Variants in ARMC9 observed in about 807,000 individuals in gnomAD.
ARMC9 encodes the protein lisH domain-containing protein ARMC9.
A neutral mutation model predicts 107.0 loss-of-function variants in ARMC9; 94 were observed. The observed-to-expected ratio is 0.88, with a 90% CI of 0.74 to 1.04. ARMC9 has a LOEUF of 1.04. Among genes scored for constraint, ARMC9 ranks in the 50% least tolerant of loss-of-function variants. The pLI is 0.00. For missense variants in ARMC9, 942 were observed against 1,030.1 expected (o/e 0.91, Z 1.17); for synonymous variants, 380 against 396.9 (o/e 0.96, Z 0.51).
At chr2:231,253,032 C>A (rs563791760) in intron 9 of ARMC9, among the ~76,000 whole-genome samples, 4 of 152,132 alleles carry the variant, frequency 2.6e-5, no homozygotes, top group Non-Finnish European at 5.9e-5. Context: ...TTAAAACAAT[C>A]AAGGGTTAAA....
At chr2:231,220,847 AAC>A (rs559069212) in intron 5 of ARMC9, among the ~76,000 whole-genome samples, 2 of 152,260 alleles carry the variant, frequency 1.3e-5, no homozygotes, top group African/African-American at 2.4e-5. Context: ...TTACATTGAA[AAC>A]ACATATTTGT....
At chr2:231,314,489 A>T (rs2042550121) in intron 19 of ARMC9, among the ~76,000 whole-genome samples, 1 of 152,118 alleles carries the variant, frequency 6.6e-6, no homozygotes, top group Non-Finnish European at 1.5e-5. Context: ...GTATCTAAGA[A>T]CTTTTTGCCC....
chr2:231,340,945 G>A (rs1181698619), intron 20 of ARMC9, among the ~76,000 whole-genome samples: 1 of 151,700 alleles, frequency 6.6e-6, no homozygotes, highest in Non-Finnish European at 1.5e-5. Context: ...TGGCTCGTGT[G>A]TAATCCCAGT....
At chr2:231,274,793 G>A (rs1309317362) in intron 14 of ARMC9, among the ~76,000 whole-genome samples, 1 of 152,156 alleles carries the variant, frequency 6.6e-6, no homozygotes, top group Non-Finnish European at 1.5e-5. Flanking sequence ...TTTTTAGTGG[G>A]GGAAGGGATA....
intron 19 of ARMC9, among the ~76,000 whole-genome samples, chr2:231,296,674 C>T (rs1009247524): frequency 1.3e-5 from 2 of 152,094 alleles, no homozygotes. Flanking sequence ...TCAGAGCTAA[C>T]GGAACTGACC....
chr2:231,323,382 A>G (rs2043110494), intron 19 of ARMC9, among the ~76,000 whole-genome samples: 1 of 152,216 alleles, frequency 6.6e-6, no homozygotes, highest in Non-Finnish European at 1.5e-5. Flanking sequence ...AGCGCCTGCT[A>G]TCAGCAAGCT....
chr2:231,329,673 A>T (rs978345684), intron 19 of ARMC9, among the ~76,000 whole-genome samples: 6 of 152,164 alleles, frequency 3.9e-5, no homozygotes, highest in African/African-American at 1.4e-4. Flanking sequence ...TGTTAGATTT[A>T]TGCCTATTTC....
intron 21 of ARMC9, among the ~76,000 whole-genome samples, chr2:231,353,594 G>C (rs2045197413): frequency 6.6e-6 from 1 of 150,750 alleles, no homozygotes; most frequent in Non-Finnish European, 1.5e-5. Context: ...CATGGCATGA[G>C]TGCCCGCAAA....
intron 6 of ARMC9, among the ~76,000 whole-genome samples, chr2:231,225,856 A>ATGAT (rs962983505): frequency 2.0e-5 from 3 of 152,150 alleles, no homozygotes; most frequent in African/African-American, 2.4e-5. Context: ...ACATTGATTG[A>ATGAT]TGATTGATTG....
At position 231,362,064 on chromosome 2, in the gene ARMC9, C is replaced by CA. The variant is rs34865887; in HGVS notation, c.2261+1181_2261+1182insA. Among the ~76,000 whole-genome samples, 20,932 of 152,042 alleles carry CA rather than the reference C, an allele frequency of 0.14. 3,253 individuals are homozygous for CA. Among genetic ancestry groups the CA allele is most frequent in the African/African-American group, 0.38 (15,790 of 41,402 alleles). The stretch of plus-strand genomic sequence containing the variant: ...CAGTCCCAGCTATCTTTAAGAAGCA[C>CA]GGGGTCAAAGGTGGCTGCATTACTG... On this transcript the variant is annotated intron_variant, in intron 23 of 24. Coordinates refer to ENST00000611582, the MANE Select transcript of ARMC9 (RefSeq NM_001352754.2). The surrounding 1 kb of genome is among the most constrained non-coding windows in gnomAD (Gnocchi z 4.7).
At chr2:231,363,333 A>G (rs1380079987) in intron 23 of ARMC9, among the ~76,000 whole-genome samples, 3 of 152,190 alleles carry the variant, frequency 2.0e-5, no homozygotes, top group Non-Finnish European at 4.4e-5. Flanking sequence ...GAGGTCTCAT[A>G]CCCAGAAGAA....
intron 17 of ARMC9, among the ~76,000 whole-genome samples, chr2:231,286,546 G>A (rs1259831253): frequency 6.6e-6 from 1 of 152,146 alleles, no homozygotes; most frequent in Non-Finnish European, 1.5e-5. Flanking sequence ...CAGAAGAAGA[G>A]CTCTATGCAT....
rs1437198892 is a variant in ARMC9, at chr2:231,360,442, C to A, written c.2132-312C>A. 1.3e-5 allele frequency among the ~76,000 whole-genome samples: 2 copies of A among 152,212 alleles called. No individual in the cohort carries two copies. The highest frequency in any genetic ancestry group is 1.3e-4 in the Admixed American group (2 of 15,284). Reference sequence around the variant, plus strand: ...TGTCTGGGGGCGCCTAGCCATGGCCCAGGGAGACAATTTGTTGTTCTGAGG... The same window carrying A: ...TGTCTGGGGGCGCCTAGCCATGGCCAAGGGAGACAATTTGTTGTTCTGAGG... On this transcript the variant is annotated intron_variant, in intron 22 of 24. Transcript: ENST00000611582. This position sits in a 1 kb window ranked among gnomAD's most constrained non-coding sequence, Gnocchi z 4.7.
intron 1 of ARMC9, among the ~76,000 whole-genome samples, chr2:231,201,236 T>C (rs2030899396): frequency 1.3e-5 from 2 of 152,176 alleles, no homozygotes; most frequent in African/African-American, 2.4e-5. Flanking sequence ...TCCTCATTAC[T>C]GCTTCCAGAT....
intron 8 of ARMC9, among the ~76,000 whole-genome samples, chr2:231,237,363 A>G (rs902549141): frequency 2.6e-5 from 4 of 152,194 alleles, no homozygotes; most frequent in Admixed American, 1.3e-4. Flanking sequence ...TTGCATTATA[A>G]GGGTGAATCA....
intron 19 of ARMC9, among the ~76,000 whole-genome samples, chr2:231,306,126 A>T (rs759045180): frequency 2.6e-5 from 4 of 152,206 alleles, no homozygotes; most frequent in Non-Finnish European, 5.9e-5. Flanking sequence ...TTTTACTGGC[A>T]GTTTCATCCA....
chr2:231,278,617 CTT>C lies in ARMC9; in HGVS notation c.1551+162_1551+163del, dbSNP rs1446165215. Among the ~76,000 whole-genome samples the C allele has an allele frequency of 2.6e-5, 4 of 152,176 alleles. No homozygotes were observed. In the East Asian group the frequency reaches 5.8e-4, roughly 22 times the overall value. On this transcript the variant is annotated intron_variant, in intron 16 of 24. Coordinates refer to ENST00000611582, the MANE Select transcript of ARMC9 (RefSeq NM_001352754.2). ...GGGATTTTCATAAGCAACTGGAAAT[CTT>C]TTATAATTTTTAGAATTTTGGAAGT...
intron 15 of ARMC9, among the ~76,000 whole-genome samples, chr2:231,278,026 T>G (rs2039909999): frequency 6.6e-6 from 1 of 152,216 alleles, no homozygotes; most frequent in Non-Finnish European, 1.5e-5. Context: ...CGTTGCTCTA[T>G]AATGTATTGT....
Position 231,364,747 on chromosome 2 carries a change from G to C in ARMC9, c.2261+3864G>C, listed in dbSNP as rs142441306. Reference sequence around the variant, plus strand: ...CAGGAGGTGGAGGTTGCAGTGAGCCGAGATCACACCATTGCACTCCAGCCT... The same window carrying C: ...CAGGAGGTGGAGGTTGCAGTGAGCCCAGATCACACCATTGCACTCCAGCCT... On this transcript the variant is annotated intron_variant, in intron 23 of 24. Coordinates refer to ENST00000611582, the MANE Select transcript of ARMC9 (RefSeq NM_001352754.2). 8.4e-4 allele frequency among the ~76,000 whole-genome samples: 127 copies of C among 151,134 alleles called. 1 individual carries two copies. In the East Asian group the frequency reaches 0.022, roughly 26 times the overall value.
Sources: gnomAD v4.1 joint callset for allele counts (sites outside exome capture counted in the v4.1 genomes callset) on GRCh38, gnomAD v4.1.1 for gene constraint, Gnocchi (gnomAD v3.1) non-coding constraint, MANE v1.5 for transcripts, NCBI Gene and HGNC (gene_info 2026-07-23, HGNC 2026-07-21) for gene names.